ADGRF1: variants seen among roughly 807,000 people sequenced by gnomAD.
ADGRF1 encodes the protein adhesion G protein-coupled receptor F1.
In ADGRF1, 85 loss-of-function variants were observed where a neutral mutation model predicts 87.2. The observed-to-expected ratio is 0.97, with a 90% confidence interval of 0.82 to 1.17. ADGRF1 has a LOEUF of 1.17. Among genes scored for constraint, ADGRF1 ranks in the 50% most tolerant of loss-of-function variants. The pLI, the probability that ADGRF1 is intolerant of heterozygous loss-of-function variation, is 0.00. For missense variants in ADGRF1, 1,169 were observed against 1,077.2 expected (o/e 1.09, Z -1.19); for synonymous variants, 430 against 408.8 (o/e 1.05, Z -0.63).
chr6:47,014,832 T>A lies in ADGRF1; in HGVS notation c.776A>T (p.Asp259Val). 6.2e-7 allele frequency: 1 copy of A among 1,607,736 alleles called. No individual in the cohort carries two copies. Among genetic ancestry groups the A allele is most frequent in the Non-Finnish European group, 8.5e-7 (1 of 1,176,196 alleles). Residue 259 changes from aspartate (D) to valine (V), a missense_variant, in exon 9 of 15, where the codon GAC becomes GTC. Physicochemically the swap from Asp to Val is radical, Grantham distance 152. Coordinates refer to ENST00000371253, the MANE Select transcript of ADGRF1 (RefSeq NM_153840.4). ...CTTGGACCCAAATCCAAAGACAATG[T>A]CATTACACTGGGCTGGAAACAAAAG... is the stretch of plus-strand genomic sequence containing the variant. The part of the protein sequence containing the change: ...FRVFGKAQCN[D>V]IVFGFGSKDD...
chr6:47,012,975 T>C, intron 9 of ADGRF1: 7 of 715,356 alleles, frequency 9.8e-6, no homozygotes, highest in Non-Finnish European at 1.2e-5. Context: ...GGTTTCACCA[T>C]GTTGGCCAGG....
intron 5 of ADGRF1, among the ~76,000 whole-genome samples, chr6:47,022,954 C>A (rs976169032): frequency 6.6e-6 from 1 of 151,820 alleles, no homozygotes; most frequent in Non-Finnish European, 1.5e-5. Flanking sequence ...TACAGGCACA[C>A]ACCACCACAC....
rs753985887 is a variant in ADGRF1 at position 47,010,198 on chromosome 6, T to C, written c.1237A>G (p.Thr413Ala). 1 of 1,613,930 alleles carries C rather than the reference T, an allele frequency of 6.2e-7. No homozygotes were observed. Among genetic ancestry groups the C allele is most frequent in the Non-Finnish European group, 8.5e-7 (1 of 1,179,986 alleles). ...GGAAGAGCTGTCGGAGGCACCAGAG[T>C]GCTGATGTTTTCTAATGTCTCTAGT... ...RLLETLENIS[T>A]LVPPTALPLN... The change falls in exon 11 of 15, where the codon ACT (threonine) becomes GCT (alanine). Residue 413 changes from threonine to alanine, a missense_variant. Transcript: ENST00000371253.
At position 47,009,865 on chromosome 6, in the gene ADGRF1, T is replaced by TG; in HGVS notation, c.1569dup (p.Lys524GlnfsTer31). On this transcript the variant is annotated frameshift_variant, in exon 11 of 15. Transcript: ENST00000371253. LOFTEE classifies it high-confidence loss of function. The stretch of plus-strand genomic sequence containing the variant: ...GGCTGGCTCAGGTTTGACTCTATCT[T>TG]GGAAAAAAATAGGAAAACTTCATTT... 1 of 1,613,996 alleles carries TG rather than the reference T, an allele frequency of 6.2e-7. No individual in the cohort carries two copies. Among genetic ancestry groups the TG allele is most frequent in the South Asian group, 1.1e-5 (1 of 91,086 alleles).
intron 3 of ADGRF1, 94 bp downstream of exon 3, chr6:47,027,610 G>A: frequency 1.3e-6 from 1 of 771,022 alleles, no homozygotes; most frequent in South Asian, 1.5e-5. Context: ...AATGTGCCTA[G>A]GATCATACAA....
intron 1 of ADGRF1, among the ~76,000 whole-genome samples, chr6:47,034,447 A>G (rs1016135441): frequency 6.6e-6 from 1 of 152,202 alleles, no homozygotes; most frequent in Non-Finnish European, 1.5e-5. Flanking sequence ...CAGAGGTATA[A>G]TTTTTAAGAA....
intron 13 of ADGRF1, among the ~76,000 whole-genome samples, chr6:47,003,953 G>A (rs1261086991): frequency 6.6e-6 from 1 of 152,152 alleles, no homozygotes; most frequent in Non-Finnish European, 1.5e-5. Flanking sequence ...TACTTCCTGT[G>A]TCAAGCTAAG....
At chr6:47,015,904 A>G (rs1016729730) in intron 8 of ADGRF1, among the ~76,000 whole-genome samples, 1 of 151,756 alleles carries the variant, frequency 6.6e-6, no homozygotes, top group African/African-American at 2.4e-5. Flanking sequence ...GGCCTGGCTA[A>G]TTTTTGTATT....
At chr6:47,033,049 C>A (rs1199574004) in intron 1 of ADGRF1, among the ~76,000 whole-genome samples, 2 of 152,170 alleles carry the variant, frequency 1.3e-5, no homozygotes, top group Non-Finnish European at 2.9e-5. Context: ...CGGAATGGTC[C>A]TGATTATTTA....
chr6:47,020,237 T>TA (rs749978816), intron 7 of ADGRF1: 10 of 1,280,224 alleles, frequency 7.8e-6, no homozygotes, highest in Non-Finnish European at 9.8e-6. Flanking sequence ...CTCATGCCTG[T>TA]AATCCCAGCA....
intron 9 of ADGRF1, 78 bp downstream of exon 9, chr6:47,014,603 C>A (rs1319671088): frequency 4.5e-6 from 7 of 1,553,268 alleles, no homozygotes; most frequent in Admixed American, 3.7e-5. Context: ...ACTTACCCTC[C>A]ACCTAGCCAT....
chr6:47,025,129 T>C (rs1392778231), intron 4 of ADGRF1, among the ~76,000 whole-genome samples: 1 of 152,142 alleles, frequency 6.6e-6, no homozygotes, highest in Non-Finnish European at 1.5e-5. Flanking sequence ...ACACCTGAAA[T>C]TCCCACCGAA....
At chr6:47,013,675 G>A in intron 9 of ADGRF1, 1 of 984,974 alleles carries the variant, frequency 1.0e-6, no homozygotes, top group Non-Finnish European at 1.2e-6. Flanking sequence ...ATGTGGTTTG[G>A]CTCTGTGTCC....
chr6:47,031,371 C>A (rs1001499586), intron 1 of ADGRF1, among the ~76,000 whole-genome samples: 1 of 150,354 alleles, frequency 6.7e-6, no homozygotes, highest in South Asian at 2.1e-4. Context: ...CTCTCTCTCT[C>A]TCTCTCTCTC....
intron 8 of ADGRF1, among the ~76,000 whole-genome samples, chr6:47,015,230 A>G (rs751922057): frequency 6.6e-6 from 1 of 152,252 alleles, no homozygotes; most frequent in Non-Finnish European, 1.5e-5. Flanking sequence ...AGAATAAAGC[A>G]GTAATGTTAT....
At chr6:47,026,056 T>C (rs548143478) in intron 3 of ADGRF1, 53 bp from the exon 4 acceptor site, 2 of 1,464,122 alleles carry the variant, frequency 1.4e-6, no homozygotes, top group African/African-American at 1.4e-5. Context: ...GGGGAAAATA[T>C]TGCTGAGGAA....
In ADGRF1 at chr6:47,014,163, T is replaced by A. The variant is rs111409103; in HGVS notation, c.927+518A>T. 747 of 737,576 alleles carry A rather than the reference T, an allele frequency of 1.0e-3. 1 individual carries two copies. Among genetic ancestry groups the A allele is most frequent in the Non-Finnish European group, 1.2e-3 (703 of 603,920 alleles). The allele number at this position is 737,576 out of a possible 1,614,324, so 45.7% of individuals were successfully genotyped here. The stretch of plus-strand genomic sequence containing the variant: ...CAGAGGAACTATTGGCCCCTTGGTC[T>A]TTTGTTTTCTGATCTGCAAAATGAG... On this transcript the variant is annotated intron_variant, in intron 9 of 14. Coordinates refer to ENST00000371253, the MANE Select transcript of ADGRF1 (RefSeq NM_153840.4).
rs144781749 is a variant in ADGRF1, at chr6:47,007,284, A to T, written c.2501T>A (p.Ile834Asn). The change falls in exon 12 of 15, where the codon ATC (isoleucine) becomes AAC (asparagine). Residue 834 changes from isoleucine (I) to asparagine (N), a missense_variant. Transcript: ENST00000371253. ...GTCCAAGAGTATTCCAAAGCATAAG[A>T]TAAAAAATCCCTTTAAAAAGAAAGG... is the stretch of plus-strand genomic sequence containing the variant. The part of the protein sequence containing the change: ...ALLNAFQGFF[I>N]LCFGILLDSK... The T allele has an allele frequency of 1.5e-4, 235 of 1,539,298 alleles. 1 individual carries two copies. The East Asian group carries it at 4.5e-3, about 29-fold the overall frequency.
intron 9 of ADGRF1, chr6:47,014,327 A>G (rs1779796784): frequency 9.8e-7 from 1 of 1,018,310 alleles, no homozygotes; most frequent in South Asian, 4.2e-5. Flanking sequence ...CTTATGACTC[A>G]CACCTTCACT....
Sources: allele counts gnomAD v4.1 joint callset (sites outside exome capture counted in the v4.1 genomes callset), GRCh38; gene constraint gnomAD v4.1.1; transcripts MANE v1.5; gene names NCBI Gene and HGNC (gene_info 2026-07-23, HGNC 2026-07-21).